LIMK2: variants seen among roughly 807,000 people sequenced by gnomAD.
LIMK2 encodes LIM domain kinase 2.
In LIMK2, 35 loss-of-function variants were observed where a neutral mutation model predicts 75.7. The observed-to-expected ratio is 0.46, with a 90% CI of 0.35 to 0.61. The LOEUF (loss-of-function observed/expected upper bound fraction) is 0.61, where lower values mean the gene tolerates loss of function less well. Ranked by LOEUF, LIMK2 falls within the 20% of genes least tolerant of loss-of-function variation. The pLI is 0.00. For synonymous variants in LIMK2, 301 were observed against 319.2 expected, an observed-to-expected ratio of 0.94 and a Z score of 0.61; for missense variants, 623 against 831.0, an observed-to-expected ratio of 0.75 and a Z score of 3.08.
At chr22:31,225,311 C>T (rs1438203538) in intron 1 of LIMK2, among the ~76,000 whole-genome samples, 3 of 152,204 alleles carry the variant, frequency 2.0e-5, no homozygotes, top group African/African-American at 7.2e-5. Flanking sequence ...CATGTTTAAC[C>T]CAGAGAGAAG....
At position 31,251,237 on chromosome 22, in the gene LIMK2, C is replaced by G. The variant is rs139073604; in HGVS notation, c.117-7054C>G. Among the ~76,000 whole-genome samples, 13 of 152,330 alleles carry G rather than the reference C, an allele frequency of 8.5e-5. No homozygotes were observed. The East Asian group carries it at 2.5e-3, about 29-fold the overall frequency. Reference sequence around the variant, plus strand: ...GCATTTTTCTTTTTATAGAATTTCACTTAATGTCCAATACTGATTTAATGA... The same window carrying G: ...GCATTTTTCTTTTTATAGAATTTCAGTTAATGTCCAATACTGATTTAATGA... On this transcript the variant is annotated intron_variant, in intron 2 of 15. Transcript: ENST00000331728.
intron 2 of LIMK2, among the ~76,000 whole-genome samples, chr22:31,231,511 C>A (rs1341888716): frequency 6.6e-6 from 1 of 152,164 alleles, no homozygotes; most frequent in African/African-American, 2.4e-5. Context: ...GGGGCTGGGG[C>A]CTGCCTGACA....
At chr22:31,272,881 C>T in intron 13 of LIMK2, 177 bp downstream of exon 13, 3 of 1,395,094 alleles carry the variant, frequency 2.2e-6, no homozygotes, top group Non-Finnish European at 2.8e-6. Context: ...GCTCAGGGGG[C>T]TGGGAACTGA....
intron 7 of LIMK2, among the ~76,000 whole-genome samples, chr22:31,265,006 A>T (rs1408377164): frequency 7.9e-5 from 12 of 151,928 alleles, no homozygotes; most frequent in Non-Finnish European, 4.4e-5. Context: ...AACCTAGCCA[A>T]CATGGTGAAA....
At chr22:31,274,584 A>G (rs1261202884) in intron 14 of LIMK2, among the ~76,000 whole-genome samples, 1 of 152,098 alleles carries the variant, frequency 6.6e-6, no homozygotes, top group Non-Finnish European at 1.5e-5. Flanking sequence ...TATTTTCAGT[A>G]GAGACAGGGT....
chr22:31,226,863 G>C (rs1390444801), intron 2 of LIMK2, among the ~76,000 whole-genome samples: 1 of 148,100 alleles, frequency 6.8e-6, no homozygotes, highest in African/African-American at 2.6e-5. Context: ...GCCTGCCTCG[G>C]CCTCCCAAAA....
intron 1 of LIMK2, among the ~76,000 whole-genome samples, chr22:31,225,157 A>G (rs974358805): frequency 6.6e-6 from 1 of 152,180 alleles, no homozygotes; most frequent in Non-Finnish European, 1.5e-5. Flanking sequence ...CCGTGGAAAA[A>G]TTGGCCCCTG....
chr22:31,245,142 G>A (rs905386236), intron 2 of LIMK2, among the ~76,000 whole-genome samples: 4 of 152,178 alleles, frequency 2.6e-5, no homozygotes, highest in African/African-American at 4.8e-5. Flanking sequence ...TGGTGTCTTC[G>A]TGGTATAGAT....
At chr22:31,261,687 G>A (rs1370356504) in intron 5 of LIMK2, among the ~76,000 whole-genome samples, 7 of 152,180 alleles carry the variant, frequency 4.6e-5, no homozygotes, top group Non-Finnish European at 1.0e-4. Context: ...AGAATTGCTT[G>A]AGCCTGGGAG....
At position 31,236,931 on chromosome 22, in the gene LIMK2, C is replaced by CATAAAATAAAATAAA. The variant is rs200484476; in HGVS notation, c.116+11134_116+11148dup. Among the ~76,000 whole-genome samples, 76 of 144,794 alleles carry CATAAAATAAAATAAA rather than the reference C, an allele frequency of 5.2e-4. 1 individual carries two copies. In the East Asian group the frequency reaches 8.8e-3, roughly 17 times the overall value. The allele number at this position is 144,794 out of a possible 152,430, so 95.0% of individuals were successfully genotyped here. On this transcript the variant is annotated intron_variant, in intron 2 of 15. Coordinates refer to ENST00000331728, the MANE Select transcript of LIMK2 (RefSeq NM_005569.4). ...GACTCTGTCTCAATAAATAAATAAACATAAAATAAAATAAAATAAAATAAA... is the reference window on the plus strand; with the variant it reads ...GACTCTGTCTCAATAAATAAATAAACATAAAATAAAATAAAATAAAATAAAATAAAATAAAATAAA...
chr22:31,269,535 G>A (rs944166851), intron 11 of LIMK2, among the ~76,000 whole-genome samples: 3 of 151,870 alleles, frequency 2.0e-5, no homozygotes, highest in African/African-American at 7.3e-5. Flanking sequence ...TTGGGAGGCC[G>A]AGGTGAGTGG....
chr22:31,242,420 C>T (rs546886526), intron 2 of LIMK2, among the ~76,000 whole-genome samples: 52 of 152,342 alleles, frequency 3.4e-4, no homozygotes, highest in South Asian at 1.7e-3. Flanking sequence ...AATACATCCC[C>T]AGCGCCTGGT....
chr22:31,249,341 T>C (rs2123815482), intron 2 of LIMK2, among the ~76,000 whole-genome samples: 1 of 152,284 alleles, frequency 6.6e-6, no homozygotes, highest in African/African-American at 2.4e-5. Context: ...GGGAAAGACC[T>C]GGGCGAGTGC....
chr22:31,268,242 G>T, intron 11 of LIMK2, 42 bp downstream of exon 11: 1 of 1,523,102 alleles, frequency 6.6e-7, no homozygotes, highest in Non-Finnish European at 9.1e-7. Flanking sequence ...CGAGAGTAGG[G>T]AGAGGTGTGA....
chr22:31,276,830 A>T (rs536549332), intron 15 of LIMK2: 31 of 1,611,854 alleles, frequency 1.9e-5, no homozygotes, highest in South Asian at 4.4e-5. Flanking sequence ...GGCTGCGCGG[A>T]TGATGAGGGC....
chr22:31,275,320 G>A lies in LIMK2; in HGVS notation c.1772+12G>A. On this transcript the variant is annotated intron_variant, in intron 15 of 15. Coordinates refer to ENST00000331728, the MANE Select transcript of LIMK2 (RefSeq NM_005569.4). ...GAGCCTGAGAGCAGGTTGGTATCCTGCCTTTTTCTCCCAGCTCACAGGGTC... is the reference window on the plus strand; with the variant it reads ...GAGCCTGAGAGCAGGTTGGTATCCTACCTTTTTCTCCCAGCTCACAGGGTC... 1 of 1,613,928 alleles carries A rather than the reference G, an allele frequency of 6.2e-7. No individual in the cohort carries two copies. Among genetic ancestry groups the A allele is most frequent in the Non-Finnish European group, 8.5e-7 (1 of 1,179,946 alleles).
intron 2 of LIMK2, among the ~76,000 whole-genome samples, chr22:31,241,437 C>T (rs1324214270): frequency 6.6e-6 from 1 of 152,172 alleles, no homozygotes; most frequent in Non-Finnish European, 1.5e-5. Flanking sequence ...CCACATAAGG[C>T]TCCCTGGGAG....
At chr22:31,255,567 A>T (rs5753525) in intron 2 of LIMK2, among the ~76,000 whole-genome samples, 6,821 of 152,232 alleles carry the variant, frequency 0.045, 570 homozygotes, top group East Asian at 0.38. Flanking sequence ...GCTTCAACTC[A>T]TTCCTGCCCC....
chr22:31,264,989 C>G (rs2048877738), intron 7 of LIMK2, among the ~76,000 whole-genome samples: 1 of 150,088 alleles, frequency 6.7e-6, no homozygotes, highest in Non-Finnish European at 1.5e-5. Flanking sequence ...ATCAGGAGTT[C>G]GAGACCAACC....
Sources: allele counts gnomAD v4.1 joint callset (sites outside exome capture counted in the v4.1 genomes callset), GRCh38; gene constraint gnomAD v4.1.1; transcripts MANE v1.5; gene names NCBI Gene and HGNC (gene_info 2026-07-23, HGNC 2026-07-21).